The following ASB18 variants were observed in gnomAD, a reference collection of about 807,000 sequenced individuals.
ASB18 encodes ankyrin repeat and SOCS box protein 18.
ASB18 carries 33 observed loss-of-function variants against 33.4 expected under a neutral mutation model. That is an observed-to-expected ratio of 0.99 (90% confidence interval 0.75 to 1.32). ASB18 has a LOEUF of 1.32. Among genes scored for constraint, ASB18 ranks in the 40% most tolerant of loss-of-function variants. The pLI, the probability that ASB18 is intolerant of heterozygous loss-of-function variation, is 0.00. For synonymous variants in ASB18, 295 were observed against 307.6 expected (o/e 0.96, Z 0.43); for missense variants, 694 against 655.5 (o/e 1.06, Z -0.64).
In ASB18 at chr2:236,221,915, G is replaced by A. The variant is rs1043316771; in HGVS notation, c.597-7049C>T. 6.6e-5 allele frequency among the ~76,000 whole-genome samples: 10 copies of A among 152,212 alleles called. No homozygotes were observed. Among genetic ancestry groups the A allele is most frequent in the African/African-American group, 2.4e-4 (10 of 41,446 alleles). ...ACGGAGGCAGATGGGCTAGAGACAT[G>A]TCCCAGGGGAAGGGTGGCTGCAGCT... On this transcript the variant is annotated intron_variant, in intron 3 of 5. Coordinates refer to ENST00000409749, the MANE Select transcript of ASB18 (RefSeq NM_212556.4). The surrounding 1 kb of genome is among the most constrained non-coding windows in gnomAD (Gnocchi z 5.6).
rs2060663051 is a variant in ASB18 at position 236,250,250 on chromosome 2, T to G, written c.206-8848A>C. 6.6e-6 allele frequency: 1 copy of G among 152,260 alleles called. No individual in the cohort carries two copies. The highest frequency in any genetic ancestry group is 2.1e-4 in the South Asian group (1 of 4,836). 9.4% of individuals were successfully genotyped at this position (152,260 alleles called of 1,614,324 possible). A position where few individuals can be genotyped will look rare whatever the true frequency, so the allele number is the denominator to read the frequency against. ...TCCAGCTGAGGCTGAAACCTGGAGCTGGTGGGCTTTGTGGCAGGGCCAGGC... is the reference window on the plus strand; with the variant it reads ...TCCAGCTGAGGCTGAAACCTGGAGCGGGTGGGCTTTGTGGCAGGGCCAGGC... On this transcript the variant is annotated intron_variant, in intron 1 of 5. Coordinates refer to ENST00000409749, the MANE Select transcript of ASB18 (RefSeq NM_212556.4). The surrounding 1 kb of genome is among the most constrained non-coding windows in gnomAD (Gnocchi z 4.1).
At chr2:236,254,547 GTTA>G (rs1440270592) in intron 1 of ASB18, among the ~76,000 whole-genome samples, 1 of 151,562 alleles carries the variant, frequency 6.6e-6, no homozygotes, top group Non-Finnish European at 1.5e-5. Context: ...TTTCCACCCT[GTTA>G]TTATTCTTCT....
At position 236,235,882 on chromosome 2, in the gene ASB18, T is replaced by G. The variant is rs146339693; in HGVS notation, c.596+1807A>C. On this transcript the variant is annotated intron_variant, in intron 3 of 5. Coordinates refer to ENST00000409749, the MANE Select transcript of ASB18 (RefSeq NM_212556.4). This position sits in a 1 kb window ranked among gnomAD's most constrained non-coding sequence, Gnocchi z 6.2. Reference sequence around the variant, plus strand: ...GTAATTTTTGTATTTTTTGTAGAGATGGGGTTTTGCCGTGTTGCCCAGGCT... The same window carrying G: ...GTAATTTTTGTATTTTTTGTAGAGAGGGGGTTTTGCCGTGTTGCCCAGGCT... 9.1e-4 allele frequency among the ~76,000 whole-genome samples: 138 copies of G among 152,234 alleles called. No homozygotes were observed. Among genetic ancestry groups the G allele is most frequent in the African/African-American group, 3.2e-3 (134 of 41,544 alleles).
At position 236,208,768 on chromosome 2, in the gene ASB18, G is replaced by T. The variant is rs1378124921; in HGVS notation, c.1101+5594C>A. On this transcript the variant is annotated intron_variant, in intron 4 of 5. Transcript: ENST00000409749. The surrounding 1 kb of genome is among the most constrained non-coding windows in gnomAD (Gnocchi z 7.7). ...CCCCCTCATGTTTGCCAGGCAGCTG[G>T]CTGCCTTCATTATTTTTACGCCAAC... 6.6e-6 allele frequency among the ~76,000 whole-genome samples: 1 copy of T among 152,120 alleles called. No homozygotes were observed. Among genetic ancestry groups the T allele is most frequent in the East Asian group, 1.9e-4 (1 of 5,188 alleles).
Position 236,194,846 on chromosome 2 carries a change from C to A in ASB18, c.*26G>T. ...CATGGAAGGTCAGCGAGGAGAACAA[C>A]AGTATTGGTTGCAGCGTTCTGCGTT... On this transcript the variant is annotated 3_prime_UTR_variant, in exon 6 of 6. Transcript: ENST00000409749. The surrounding 1 kb of genome is among the most constrained non-coding windows in gnomAD (Gnocchi z 4.5). 1.3e-6 allele frequency: 2 copies of A among 1,598,694 alleles called. No homozygotes were observed. Among genetic ancestry groups the A allele is most frequent in the Non-Finnish European group, 1.7e-6 (2 of 1,170,698 alleles).
rs1216318337 is a variant in ASB18, at chr2:236,208,709, G to A, written c.1101+5653C>T. Among the ~76,000 whole-genome samples the A allele has an allele frequency of 6.6e-6, 1 of 152,010 alleles. No individual in the cohort carries two copies. Among genetic ancestry groups the A allele is most frequent in the Non-Finnish European group, 1.5e-5 (1 of 68,006 alleles). ...GTCTCTCCTCTGTTCCACCTCTCTG[G>A]GGCTCCCTGCCCCTCCCCGTCCTCT... On this transcript the variant is annotated intron_variant, in intron 4 of 5. Coordinates refer to ENST00000409749, the MANE Select transcript of ASB18 (RefSeq NM_212556.4). This position sits in a 1 kb window ranked among gnomAD's most constrained non-coding sequence, Gnocchi z 7.7.
Position 236,244,651 on chromosome 2 carries a change from C to T in ASB18, c.206-3249G>A, listed in dbSNP as rs1251974168. On this transcript the variant is annotated intron_variant, in intron 1 of 5. Coordinates refer to ENST00000409749, the MANE Select transcript of ASB18 (RefSeq NM_212556.4). This position sits in a 1 kb window ranked among gnomAD's most constrained non-coding sequence, Gnocchi z 6.1. ...TGCCCCCCGACCTCTGAGTGCCCAA[C>T]CAGAGCAGGCTTTCTGTGTGGGCTC... 6.6e-6 allele frequency among the ~76,000 whole-genome samples: 1 copy of T among 152,080 alleles called. No individual in the cohort carries two copies. The highest frequency in any genetic ancestry group is 1.5e-5 in the Non-Finnish European group (1 of 68,038).
rs1320303139 is a variant in ASB18, at chr2:236,195,215, C to T, written c.1216-158G>A. 6.6e-6 allele frequency among the ~76,000 whole-genome samples: 1 copy of T among 152,206 alleles called. No individual in the cohort carries two copies. The highest frequency in any genetic ancestry group is 1.5e-5 in the Non-Finnish European group (1 of 68,038). On this transcript the variant is annotated intron_variant, in intron 5 of 5. Coordinates refer to ENST00000409749, the MANE Select transcript of ASB18 (RefSeq NM_212556.4). The surrounding 1 kb of genome is among the most constrained non-coding windows in gnomAD (Gnocchi z 5.5). Reference sequence around the variant, plus strand: ...AGACGCACCATCTTGTGGGAACCACCCTCTACCCCAGGGGCTTGTGTGCTC... The same window carrying T: ...AGACGCACCATCTTGTGGGAACCACTCTCTACCCCAGGGGCTTGTGTGCTC...
Position 236,214,948 on chromosome 2 carries a change from T to G in ASB18, c.597-82A>C. 9.3e-7 allele frequency: 1 copy of G among 1,072,358 alleles called. No homozygotes were observed. Among genetic ancestry groups the G allele is most frequent in the Non-Finnish European group, 1.2e-6 (1 of 862,862 alleles). The allele number at this position is 1,072,358 out of a possible 1,614,324, so 66.4% of individuals were successfully genotyped here. On this transcript the variant is annotated intron_variant, in intron 3 of 5. Transcript: ENST00000409749. This position sits in a 1 kb window ranked among gnomAD's most constrained non-coding sequence, Gnocchi z 6.5. ...ACCCCCGGCCTGCTGCTGCAAAATATCAAGTGACCTCTGAATGAAAAGACA... is the reference window on the plus strand; with the variant it reads ...ACCCCCGGCCTGCTGCTGCAAAATAGCAAGTGACCTCTGAATGAAAAGACA...
intron 1 of ASB18, among the ~76,000 whole-genome samples, chr2:236,261,981 C>T (rs1485645742): frequency 6.6e-6 from 1 of 152,120 alleles, no homozygotes. Context: ...TCCCACAACA[C>T]GTGGGAATTG....
chr2:236,235,459 T>C lies in ASB18; in HGVS notation c.596+2230A>G, dbSNP rs1007465009. Among the ~76,000 whole-genome samples the C allele has an allele frequency of 2.6e-5, 4 of 152,252 alleles. No homozygotes were observed. Among genetic ancestry groups the C allele is most frequent in the Non-Finnish European group, 5.9e-5 (4 of 68,044 alleles). ...CATTTCTGAGAATGTATCCCCATCG[T>C]TAAGCGACAAATGACTGTATGTGGA... On this transcript the variant is annotated intron_variant, in intron 3 of 5. Transcript: ENST00000409749. The surrounding 1 kb of genome is among the most constrained non-coding windows in gnomAD (Gnocchi z 6.2).
rs533878556 is a variant in ASB18, at chr2:236,256,322, C to T, written c.205+7819G>A. 2.6e-5 allele frequency among the ~76,000 whole-genome samples: 4 copies of T among 152,230 alleles called. No homozygotes were observed. Among genetic ancestry groups the T allele is most frequent in the South Asian group, 2.1e-4 (1 of 4,818 alleles). ...GGTTACAGGCATGAACCACCATGCC[C>T]GGCCCATAAGTATTTATTAGGTACC... On this transcript the variant is annotated intron_variant, in intron 1 of 5. Coordinates refer to ENST00000409749, the MANE Select transcript of ASB18 (RefSeq NM_212556.4). This position sits in a 1 kb window ranked among gnomAD's most constrained non-coding sequence, Gnocchi z 4.7.
At position 236,263,946 on chromosome 2, in the gene ASB18, C is replaced by G. The variant is rs2060732396; in HGVS notation, c.205+195G>C. ...ATTAGTTTTTTTGTGTTGTGTTGCA[C>G]TTGTTGCTTATGTCGCACACGCATG... On this transcript the variant is annotated intron_variant, in intron 1 of 5. Coordinates refer to ENST00000409749, the MANE Select transcript of ASB18 (RefSeq NM_212556.4). This position sits in a 1 kb window ranked among gnomAD's most constrained non-coding sequence, Gnocchi z 4.0. Among the ~76,000 whole-genome samples, 1 of 152,124 alleles carries G rather than the reference C, an allele frequency of 6.6e-6. No individual in the cohort carries two copies. The highest frequency in any genetic ancestry group is 2.4e-5 in the African/African-American group (1 of 41,374).
chr2:236,214,814 T>C lies in ASB18; in HGVS notation c.649A>G (p.Thr217Ala). Residue 217 changes from threonine to alanine, a missense_variant, in exon 4 of 6, where the codon ACG becomes GCG. Physicochemically the swap from Thr to Ala is moderately conservative, Grantham distance 58 (BLOSUM62 0). Coordinates refer to ENST00000409749, the MANE Select transcript of ASB18 (RefSeq NM_212556.4). This position sits in a 1 kb window ranked among gnomAD's most constrained non-coding sequence, Gnocchi z 6.5. The part of the protein sequence containing the change: ...HGASVQRVGG[T>A]GRDTPLHVAA... Reference sequence around the variant, plus strand: ...ACGTGCAGCGGCGTGTCCCGGCCCGTGCCGCCCACGCGCTGCACCGAGGCC... The same window carrying C: ...ACGTGCAGCGGCGTGTCCCGGCCCGCGCCGCCCACGCGCTGCACCGAGGCC... 8.2e-7 allele frequency: 1 copy of C among 1,213,200 alleles called. No individual in the cohort carries two copies. The highest frequency in any genetic ancestry group is 1.0e-6 in the Non-Finnish European group (1 of 975,516). The allele number at this position is 1,213,200 out of a possible 1,614,324, so 75.2% of individuals were successfully genotyped here. A position where few individuals can be genotyped will look rare whatever the true frequency, so the allele number is the denominator to read the frequency against.
rs1007829153 is a variant in ASB18 at position 236,221,269 on chromosome 2, T to A, written c.597-6403A>T. On this transcript the variant is annotated intron_variant, in intron 3 of 5. Coordinates refer to ENST00000409749, the MANE Select transcript of ASB18 (RefSeq NM_212556.4). The surrounding 1 kb of genome is among the most constrained non-coding windows in gnomAD (Gnocchi z 5.6). ...AACAAACAGCTGCTAAAAATAAGGC[T>A]GCATTCAAGACTCAAACGTCACCTT... Among the ~76,000 whole-genome samples the A allele has an allele frequency of 1.3e-5, 2 of 152,164 alleles. No individual in the cohort carries two copies. The highest frequency in any genetic ancestry group is 4.8e-5 in the African/African-American group (2 of 41,432).
At chr2:236,242,564 CCTACTT>C (rs2106281000) in intron 1 of ASB18, among the ~76,000 whole-genome samples, 1 of 152,306 alleles carries the variant, frequency 6.6e-6, no homozygotes, top group East Asian at 1.9e-4. Flanking sequence ...AAGTGATTCT[CCTACTT>C]CAGCCTCCTG....
Position 236,231,232 on chromosome 2 carries a change from G to A in ASB18, c.596+6457C>T, listed in dbSNP as rs1250776407. ...ATTGTCTCTATTGTCTTCTCAGCTT[G>A]CATACTTTGATGAAACAAGTTTCAT... On this transcript the variant is annotated intron_variant, in intron 3 of 5. Transcript: ENST00000409749. The surrounding 1 kb of genome is among the most constrained non-coding windows in gnomAD (Gnocchi z 5.5). 6.6e-6 allele frequency among the ~76,000 whole-genome samples: 1 copy of A among 152,142 alleles called. No homozygotes were observed. Among genetic ancestry groups the A allele is most frequent in the East Asian group, 1.9e-4 (1 of 5,188 alleles).
Position 236,253,002 on chromosome 2 carries a change from C to G in ASB18, c.205+11139G>C, listed in dbSNP as rs867210342. ...CAGGGAAAACTGTGACAGGTCATCTCTGTTCCAGAGCTGCCCCTGGGGTCA... is the reference window on the plus strand; with the variant it reads ...CAGGGAAAACTGTGACAGGTCATCTGTGTTCCAGAGCTGCCCCTGGGGTCA... On this transcript the variant is annotated intron_variant, in intron 1 of 5. Transcript: ENST00000409749. The surrounding 1 kb of genome is among the most constrained non-coding windows in gnomAD (Gnocchi z 5.4). Among the ~76,000 whole-genome samples, 2 of 152,250 alleles carry G rather than the reference C, an allele frequency of 1.3e-5. No homozygotes were observed. Among genetic ancestry groups the G allele is most frequent in the Non-Finnish European group, 2.9e-5 (2 of 68,046 alleles).
At chr2:236,197,558 A>G (rs2034670) in intron 4 of ASB18, among the ~76,000 whole-genome samples, 41,192 of 152,054 alleles carry the variant, frequency 0.27, 6,546 homozygotes, top group African/African-American at 0.46. Context: ...TTCAGTTGCC[A>G]GGCGCAGTGG....
Sources: allele counts gnomAD v4.1 joint callset (sites outside exome capture counted in the v4.1 genomes callset), GRCh38; gene constraint gnomAD v4.1.1; non-coding constraint Gnocchi (gnomAD v3.1); transcripts MANE v1.5; gene names NCBI Gene and HGNC (gene_info 2026-07-23, HGNC 2026-07-21).